Variants in KCTD3 observed in about 807,000 individuals in gnomAD.
The protein encoded by KCTD3 is potassium channel tetramerization domain containing 3.
A neutral mutation model predicts 85.8 loss-of-function variants in KCTD3; 41 were observed. The ratio of observed to expected loss-of-function variants is 0.48; its 90% CI spans 0.37 to 0.62. The LOEUF (loss-of-function observed/expected upper bound fraction) is 0.62, where lower values mean the gene tolerates loss of function less well. Among genes scored for constraint, KCTD3 ranks in the 20% least tolerant of loss-of-function variants. The probability of loss-of-function intolerance (pLI) is 0.00; values close to 1 mark genes in which losing one functional copy is unlikely to be tolerated. For missense variants in KCTD3, 724 were observed against 989.9 expected (o/e 0.73, Z 3.60); for synonymous variants, 338 against 345.4 (o/e 0.98, Z 0.24).
At chr1:215,615,488 C>T (rs551483949) in intron 15 of KCTD3, among the ~76,000 whole-genome samples, 61 of 151,904 alleles carry the variant, frequency 4.0e-4, no homozygotes, top group Non-Finnish European at 5.4e-4. Context: ...GGCGTGGTGG[C>T]GGGTGCCTGT....
At chr1:215,604,935 T>A (rs112014821) in intron 13 of KCTD3, among the ~76,000 whole-genome samples, 1 of 151,980 alleles carries the variant, frequency 6.6e-6, no homozygotes. Flanking sequence ...TAATTAAATA[T>A]TAATTGGATA....
intron 8 of KCTD3, among the ~76,000 whole-genome samples, chr1:215,581,400 A>G (rs1312795940): frequency 6.6e-6 from 1 of 152,102 alleles, no homozygotes; most frequent in Non-Finnish European, 1.5e-5. Flanking sequence ...TTTAGGAAGC[A>G]TTGTTTTGAA....
chr1:215,588,489 T>C (rs1660097578), intron 9 of KCTD3, among the ~76,000 whole-genome samples: 1 of 151,976 alleles, frequency 6.6e-6, no homozygotes, highest in Non-Finnish European at 1.5e-5. Flanking sequence ...AAGAATGCAA[T>C]GGTCACTAGT....
intron 9 of KCTD3, among the ~76,000 whole-genome samples, chr1:215,587,546 G>T (rs1454739456): frequency 6.6e-6 from 1 of 152,130 alleles, no homozygotes; most frequent in Admixed American, 6.5e-5. Context: ...TTTTTAATGA[G>T]AACCTCATTT....
intron 1 of KCTD3, among the ~76,000 whole-genome samples, chr1:215,570,762 A>G (rs1165910760): frequency 6.6e-6 from 1 of 152,234 alleles, no homozygotes; most frequent in Non-Finnish European, 1.5e-5. Context: ...GGCAAGTTGC[A>G]TGAAGTATAA....
At chr1:215,576,063 G>GTT (rs1169452803) in intron 4 of KCTD3, 89 bp downstream of exon 4, 188 of 615,552 alleles carry the variant, frequency 3.1e-4, no homozygotes, top group Middle Eastern at 7.7e-4. Context: ...TTTTTTGTTT[G>GTT]TTTTTTTTTT....
At position 215,588,964 on chromosome 1, in the gene KCTD3, TTAG is replaced by T. The variant is rs1355509434; in HGVS notation, c.817+2281_817+2283del. Among the ~76,000 whole-genome samples, 3 of 152,350 alleles carry T rather than the reference TTAG, an allele frequency of 2.0e-5. No homozygotes were observed. The East Asian group carries it at 5.8e-4, about 29-fold the overall frequency. ...GCATTGTCATCTGTTCAAGGCTTTA[TTAG>T]TCTCTCAGCAATTGGGTATACTTCT... is the stretch of plus-strand genomic sequence containing the variant. On this transcript the variant is annotated intron_variant, in intron 9 of 17. Coordinates refer to ENST00000259154, the MANE Select transcript of KCTD3 (RefSeq NM_016121.5).
At position 215,619,185 on chromosome 1, in the gene KCTD3, A is replaced by G. The variant is rs1289307862; in HGVS notation, c.1780A>G (p.Lys594Glu). The G allele has an allele frequency of 6.2e-7, 1 of 1,613,936 alleles. No individual in the cohort carries two copies. Among genetic ancestry groups the G allele is most frequent in the Non-Finnish European group, 8.5e-7 (1 of 1,179,920 alleles). Residue 594 changes from lysine to glutamate, a missense_variant, in exon 17 of 18, where the codon AAA becomes GAA. Physicochemically the swap from Lys to Glu is moderately conservative, Grantham distance 56. Transcript: ENST00000259154. Reference sequence around the variant, plus strand: ...TGGTCCAACCGAAGAAGAGCTACTCAAATTACTCGATCAATGTGATTTGAG... The same window carrying G: ...TGGTCCAACCGAAGAAGAGCTACTCGAATTACTCGATCAATGTGATTTGAG... ...VGGPTEEELLKLLDQCDLSTS... is the reference protein window; with the variant it reads ...VGGPTEEELLELLDQCDLSTS...
At chr1:215,595,989 C>CTGGA (rs1660402569) in intron 10 of KCTD3, among the ~76,000 whole-genome samples, 1 of 152,078 alleles carries the variant, frequency 6.6e-6, no homozygotes, top group Non-Finnish European at 1.5e-5. Context: ...GAAAAGTGGA[C>CTGGA]TGGAGGTCAG....
intron 8 of KCTD3, among the ~76,000 whole-genome samples, chr1:215,586,144 G>C (rs901914633): frequency 1.3e-5 from 2 of 152,136 alleles, no homozygotes; most frequent in South Asian, 2.1e-4. Context: ...GTGTGTGTGC[G>C]TGTGTGTAGA....
At chr1:215,618,865 C>A in intron 15 of KCTD3, 21 bp from the exon 16 acceptor site, 1 of 1,554,966 alleles carries the variant, frequency 6.4e-7, no homozygotes, top group Non-Finnish European at 8.6e-7. Context: ...CATCAGGGCT[C>A]TTTCTGCTTT....
chr1:215,579,071 G>T lies in KCTD3; in HGVS notation c.469G>T (p.Gly157Cys), dbSNP rs766458856. 3 of 1,596,940 alleles carry T rather than the reference G, an allele frequency of 1.9e-6. No individual in the cohort carries two copies. In the East Asian group the frequency reaches 6.8e-5, roughly 36 times the overall value. ...DSRNGLNSTEGEARGNGTQPV... is the reference protein window; with the variant it reads ...DSRNGLNSTECEARGNGTQPV... ...TAGGAATGGTCTAAATTCTACAGAA[G>T]GTGAAGCCCGGGGAAATGGTACACA... The change falls in exon 7 of 18, where the codon GGT (glycine) becomes TGT (cysteine). Residue 157 changes from glycine to cysteine, a missense_variant. Around this residue, in one of 6 missense-constraint regions of KCTD3, gnomAD observed 106 missense variants for 98.2 expected, o/e 1.08. Transcript: ENST00000259154.
intron 9 of KCTD3, among the ~76,000 whole-genome samples, chr1:215,592,858 G>T (rs1660276437): frequency 6.6e-6 from 1 of 152,254 alleles, no homozygotes; most frequent in Admixed American, 6.5e-5. Context: ...TACCAAGAGG[G>T]CCCCTTAAGA....
chr1:215,576,444 G>T (rs1001145080), intron 4 of KCTD3, among the ~76,000 whole-genome samples: 1 of 151,448 alleles, frequency 6.6e-6, no homozygotes, highest in African/African-American at 2.4e-5. Context: ...GGTGGTACAC[G>T]CCTATAATCC....
chr1:215,599,311 G>A (rs924452221), intron 10 of KCTD3, among the ~76,000 whole-genome samples: 3 of 152,156 alleles, frequency 2.0e-5, no homozygotes, highest in Admixed American at 1.3e-4. Flanking sequence ...TGGTAAATAC[G>A]ATGGTAAATT....
At chr1:215,617,796 T>TATATATAATACATATTTAATATATATTAA (rs1655514355) in intron 15 of KCTD3, among the ~76,000 whole-genome samples, 1 of 147,578 alleles carries the variant, frequency 6.8e-6, no homozygotes, top group Non-Finnish European at 1.5e-5. Flanking sequence ...ATATAATGTA[T>TATATATAATACATATTTAATATATATTAA]ATATATAATA....
chr1:215,593,092 T>A (rs1232560590), intron 9 of KCTD3, among the ~76,000 whole-genome samples: 1 of 152,234 alleles, frequency 6.6e-6, no homozygotes, highest in Non-Finnish European at 1.5e-5. Context: ...GCTTCACATG[T>A]TCTAAAAAGA....
Position 215,586,603 on chromosome 1 carries a change from C to A in KCTD3, c.735C>A (p.Asp245Glu). 1 of 1,613,998 alleles carries A rather than the reference C, an allele frequency of 6.2e-7. No individual in the cohort carries two copies. ...AGGTGGTTGGAGGGCCACATGGAGA[C>A]AAAGACAAAATGGTTGCTGTTGCCT... ...NAKVVGGPHG[D>E]KDKMVAVASE... Residue 245 changes from aspartate to glutamate, a missense_variant, in exon 9 of 18, where the codon GAC becomes GAA. Physicochemically the swap from Asp to Glu is conservative, Grantham distance 45. Coordinates refer to ENST00000259154, the MANE Select transcript of KCTD3 (RefSeq NM_016121.5).
intron 13 of KCTD3, 34 bp downstream of exon 13, chr1:215,604,336 G>A (rs1469265871): frequency 6.6e-7 from 1 of 1,521,840 alleles, no homozygotes; most frequent in African/African-American, 1.4e-5. Context: ...TAAGGAACTT[G>A]GCTCTGTGTG....
Sources: gnomAD v4.1 joint callset for allele counts (sites outside exome capture counted in the v4.1 genomes callset) on GRCh38, gnomAD v4.1.1 for gene constraint, gnomAD v4.1.1 regional missense constraint, MANE v1.5 for transcripts, NCBI Gene and HGNC (gene_info 2026-07-23, HGNC 2026-07-21) for gene names.